The following LGALS3BP variants were observed in gnomAD, a reference collection of about 807,000 sequenced individuals.
LGALS3BP encodes the protein galectin 3 binding protein.
A neutral mutation model predicts 22.9 loss-of-function variants in LGALS3BP; 25 were observed. That is an observed-to-expected ratio of 1.09 (90% CI 0.80 to 1.53). The LOEUF (loss-of-function observed/expected upper bound fraction) is 1.53. LGALS3BP is among the 40% of genes most tolerant of loss of function. The probability of loss-of-function intolerance (pLI) is 0.00; values close to 1 mark genes in which losing one functional copy is unlikely to be tolerated. For synonymous variants in LGALS3BP, 335 were observed against 331.1 expected, an observed-to-expected ratio of 1.01 and a Z score of -0.13; for missense variants, 718 against 752.0, an observed-to-expected ratio of 0.95 and a Z score of 0.53.
Position 78,973,262 on chromosome 17 carries a change from C to T in LGALS3BP, c.377-40G>A, listed in dbSNP as rs1052351230. Reference sequence around the variant, plus strand: ...GAGGGAAGTGGGCTGCGTTAGGAGCCGGGGCACTGCCACTCTCTGGGGTCA... The same window carrying T: ...GAGGGAAGTGGGCTGCGTTAGGAGCTGGGGCACTGCCACTCTCTGGGGTCA... On this transcript the variant is annotated intron_variant, in intron 4 of 5. Coordinates refer to ENST00000262776, the MANE Select transcript of LGALS3BP (RefSeq NM_005567.4). This position sits in a 1 kb window ranked among gnomAD's most constrained non-coding sequence, Gnocchi z 5.8. 2.4e-5 allele frequency: 35 copies of T among 1,460,880 alleles called. No individual in the cohort carries two copies. The highest frequency in any genetic ancestry group is 4.2e-5 in the African/African-American group (3 of 70,652). The allele number at this position is 1,460,880 out of a possible 1,614,324, so 90.5% of individuals were successfully genotyped here.
At position 78,974,805 on chromosome 17, in the gene LGALS3BP, T is replaced by C. The variant is rs765312926; in HGVS notation, c.259A>G (p.Met87Val). 5 of 1,613,720 alleles carry C rather than the reference T, an allele frequency of 3.1e-6. No individual in the cohort carries two copies. The South Asian group carries it at 4.4e-5, about 14-fold the overall frequency. Reference sequence around the variant, plus strand: ...CCCGTGCACTGGACCTCATCCAGCATGATGGGGCCTGATCCTGTGGACACA... The same window carrying C: ...CCCGTGCACTGGACCTCATCCAGCACGATGGGGCCTGATCCTGTGGACACA... ...AAFGQGSGPI[M>V]LDEVQCTGTE... The change falls in exon 4 of 6, where the codon ATG becomes GTG. Residue 87 changes from methionine (M) to valine (V), a missense_variant. Physicochemically the swap from Met to Val is conservative, Grantham distance 21. Coordinates refer to ENST00000262776, the MANE Select transcript of LGALS3BP (RefSeq NM_005567.4).
Position 78,973,902 on chromosome 17 carries a change from C to T in LGALS3BP, c.377-680G>A, listed in dbSNP as rs1413167525. Among the ~76,000 whole-genome samples, 2 of 152,268 alleles carry T rather than the reference C, an allele frequency of 1.3e-5. No individual in the cohort carries two copies. Among genetic ancestry groups the T allele is most frequent in the East Asian group, 3.8e-4 (2 of 5,202 alleles). On this transcript the variant is annotated intron_variant, in intron 4 of 5. Coordinates refer to ENST00000262776, the MANE Select transcript of LGALS3BP (RefSeq NM_005567.4). The surrounding 1 kb of genome is among the most constrained non-coding windows in gnomAD (Gnocchi z 5.8). The stretch of plus-strand genomic sequence containing the variant: ...GCCACCGCAGGACCCCCAGCTCCCT[C>T]CCACCTGCACGCCTTACCACAGCTC...
Position 78,972,006 on chromosome 17 carries a change from G to A in LGALS3BP, c.1328C>T (p.Ser443Phe), listed in dbSNP as rs139574608. The A allele has an allele frequency of 1.2e-6, 2 of 1,614,106 alleles. No individual in the cohort carries two copies. The highest frequency in any genetic ancestry group is 1.7e-5 in the Admixed American group (1 of 60,024). ...AGAGGGGGCTTGGAAGTAATCAGAAGAATATTTGACCAAAGGCCCCCGTCT... is the reference window on the plus strand; with the variant it reads ...AGAGGGGGCTTGGAAGTAATCAGAAAAATATTTGACCAAAGGCCCCCGTCT... ...QSRRGPLVKY[S>F]SDYFQAPSDY... is the part of the protein sequence containing the mutation. Residue 443 changes from serine to phenylalanine, a missense_variant, in exon 6 of 6, where the codon TCT becomes TTT. Transcript: ENST00000262776. The surrounding 1 kb of genome is among the most constrained non-coding windows in gnomAD (Gnocchi z 5.1).
At chr17:78,979,297 G>T (rs73999352) in intron 1 of LGALS3BP, 3,704 of 152,490 alleles carry the variant, frequency 0.024, 82 homozygotes, top group African/African-American at 0.064. Context: ...TTGCCCTTTG[G>T]CTGGTATCCT....
Position 78,971,520 on chromosome 17 carries a change from C to G in LGALS3BP, c.*56G>C. The G allele has an allele frequency of 6.5e-6, 10 of 1,528,590 alleles. No homozygotes were observed. The highest frequency in any genetic ancestry group is 8.9e-6 in the Non-Finnish European group (10 of 1,124,430). 94.7% of individuals were successfully genotyped at this position (1,528,590 alleles called of 1,614,324 possible). On this transcript the variant is annotated 3_prime_UTR_variant, in exon 6 of 6. Transcript: ENST00000262776. The surrounding 1 kb of genome is among the most constrained non-coding windows in gnomAD (Gnocchi z 5.6). ...GAGGAAGGAAGCCGAGGAGGGGAGC[C>G]TGCAGTGAGGGCGTCCTGGGGTTCT...
At position 78,972,802 on chromosome 17, in the gene LGALS3BP, G is replaced by T; in HGVS notation, c.630-98C>A. ...ACAGCCACCTGAGTGCACACAGTGT[G>T]GGAGTGAGCATGCGTGTGTGTGCAA... On this transcript the variant is annotated intron_variant, in intron 5 of 5. Transcript: ENST00000262776. This position sits in a 1 kb window ranked among gnomAD's most constrained non-coding sequence, Gnocchi z 5.1. 1.6e-5 allele frequency: 24 copies of T among 1,460,112 alleles called. No homozygotes were observed. Among genetic ancestry groups the T allele is most frequent in the Non-Finnish European group, 2.2e-5 (24 of 1,089,936 alleles). 90.4% of individuals were successfully genotyped at this position (1,460,112 alleles called of 1,614,324 possible). A position where few individuals can be genotyped will look rare whatever the true frequency, so the allele number is the denominator to read the frequency against.
chr17:78,972,639 G>C lies in LGALS3BP; in HGVS notation c.695C>G (p.Ser232Cys). Reference sequence around the variant, plus strand: ...CTGCAGCTGCCTGGCCCCATAGGCAGAGGCCAGCTTGTGGAAGCACTTGAC... The same window carrying C: ...CTGCAGCTGCCTGGCCCCATAGGCACAGGCCAGCTTGTGGAAGCACTTGAC... ...SSVKCFHKLA[S>C]AYGARQLQGY... Residue 232 changes from serine (S) to cysteine (C), a missense_variant, in exon 6 of 6, where the codon TCT becomes TGT. Coordinates refer to ENST00000262776, the MANE Select transcript of LGALS3BP (RefSeq NM_005567.4). The surrounding 1 kb of genome is among the most constrained non-coding windows in gnomAD (Gnocchi z 5.1). 6.5e-7 allele frequency: 1 copy of C among 1,540,186 alleles called. No homozygotes were observed. The highest frequency in any genetic ancestry group is 2.3e-5 in the East Asian group (1 of 44,134).
At chr17:78,977,362 A>T in intron 1 of LGALS3BP, 148 bp from the exon 2 acceptor site, 2 of 641,178 alleles carry the variant, frequency 3.1e-6, no homozygotes, top group Non-Finnish European at 5.4e-6. Flanking sequence ...GATCCCAGTA[A>T]GTGTGACGTG....
At position 78,973,263 on chromosome 17, in the gene LGALS3BP, G is replaced by A. The variant is rs896439360; in HGVS notation, c.377-41C>T. On this transcript the variant is annotated intron_variant, in intron 4 of 5. Transcript: ENST00000262776. This position sits in a 1 kb window ranked among gnomAD's most constrained non-coding sequence, Gnocchi z 5.8. ...AGGGAAGTGGGCTGCGTTAGGAGCC[G>A]GGGCACTGCCACTCTCTGGGGTCAG... is the stretch of plus-strand genomic sequence containing the variant. 4.0e-5 allele frequency: 59 copies of A among 1,461,558 alleles called. No individual in the cohort carries two copies. The Middle Eastern group carries it at 9.4e-4, about 23-fold the overall frequency. 90.5% of individuals were successfully genotyped at this position (1,461,558 alleles called of 1,614,324 possible).
Position 78,972,245 on chromosome 17 carries a change from C to G in LGALS3BP, c.1089G>C (p.Leu363=), listed in dbSNP as rs1398590243. Residue 363 remains leucine, a synonymous_variant, in exon 6 of 6, where the codon CTG becomes CTC. Transcript: ENST00000262776. The surrounding 1 kb of genome is among the most constrained non-coding windows in gnomAD (Gnocchi z 5.1). ...PEELFELQFN[L]SLYWSHEALF... Reference sequence around the variant, plus strand: ...GGGCCTCGTGGCTCCAGTACAGGGACAGGTTGAACTGCAGCTCAAAGAGCT... The same window carrying G: ...GGGCCTCGTGGCTCCAGTACAGGGAGAGGTTGAACTGCAGCTCAAAGAGCT... 2 of 1,613,790 alleles carry G rather than the reference C, an allele frequency of 1.2e-6. No homozygotes were observed. Among genetic ancestry groups the G allele is most frequent in the Middle Eastern group, 3.3e-4 (2 of 6,062 alleles).
Position 78,972,340 on chromosome 17 carries a change from C to T in LGALS3BP, c.994G>A (p.Glu332Lys). Residue 332 changes from glutamate (E) to lysine (K), a missense_variant, in exon 6 of 6, where the codon GAG becomes AAG. By Grantham distance (56) the Glu-to-Lys change is moderately conservative (BLOSUM62 1). Coordinates refer to ENST00000262776, the MANE Select transcript of LGALS3BP (RefSeq NM_005567.4). This position sits in a 1 kb window ranked among gnomAD's most constrained non-coding sequence, Gnocchi z 5.1. ...TCCACCTCCTCATGGGAGGCACGCTCCCCCCAGCTCCAGGTGTCCACGGCC... is the reference window on the plus strand; with the variant it reads ...TCCACCTCCTCATGGGAGGCACGCTTCCCCCAGCTCCAGGTGTCCACGGCC... ...LKAVDTWSWG[E>K]RASHEEVEGL... The T allele has an allele frequency of 2.5e-6, 4 of 1,613,214 alleles. No homozygotes were observed. Among genetic ancestry groups the T allele is most frequent in the African/African-American group, 1.3e-5 (1 of 75,040 alleles).
At position 78,974,669 on chromosome 17, in the gene LGALS3BP, G is replaced by C; in HGVS notation, c.376+19C>G. The C allele has an allele frequency of 6.2e-7, 1 of 1,609,882 alleles. No individual in the cohort carries two copies. Among genetic ancestry groups the C allele is most frequent in the Non-Finnish European group, 8.5e-7 (1 of 1,177,970 alleles). On this transcript the variant is annotated intron_variant, in intron 4 of 5. Coordinates refer to ENST00000262776, the MANE Select transcript of LGALS3BP (RefSeq NM_005567.4). ...CAGGGCACACTGGGGCCTCCGCAGG[G>C]AGGTGCGCCCCCGCTCACCATTGGT...
chr17:78,971,794 G>T lies in LGALS3BP; in HGVS notation c.1540C>A (p.Arg514Ser). 1 of 1,614,092 alleles carries T rather than the reference G, an allele frequency of 6.2e-7. No individual in the cohort carries two copies. The highest frequency in any genetic ancestry group is 8.5e-7 in the Non-Finnish European group (1 of 1,180,040). ...GCTTTGTTTTCGTAGGCAATGGTGCGATCTGAGCCGCCAGACTTGGTGAGG... is the reference window on the plus strand; with the variant it reads ...GCTTTGTTTTCGTAGGCAATGGTGCTATCTGAGCCGCCAGACTTGGTGAGG... ...LGLTKSGGSD[R>S]TIAYENKALM... Residue 514 changes from arginine to serine, a missense_variant, in exon 6 of 6, where the codon CGC (arginine) becomes AGC (serine). Arg to Ser is a moderately radical substitution (Grantham distance 110, BLOSUM62 -1). Transcript: ENST00000262776. This position sits in a 1 kb window ranked among gnomAD's most constrained non-coding sequence, Gnocchi z 5.6.
intron 4 of LGALS3BP, among the ~76,000 whole-genome samples, chr17:78,974,200 G>A (rs2070699170): frequency 1.3e-5 from 2 of 152,238 alleles, no homozygotes; most frequent in Non-Finnish European, 2.9e-5. Flanking sequence ...CGGCATGAAA[G>A]AAAAACAAGA....
intron 3 of LGALS3BP, among the ~76,000 whole-genome samples, chr17:78,975,638 A>G (rs1392757650): frequency 6.6e-6 from 1 of 151,924 alleles, no homozygotes; most frequent in Non-Finnish European, 1.5e-5. Context: ...TAAAAAATAC[A>G]AAAATCAGCC....
In LGALS3BP at chr17:78,976,936, A is replaced by C; in HGVS notation, c.52+204T>G. 1 of 612,514 alleles carries C rather than the reference A, an allele frequency of 1.6e-6. No homozygotes were observed. 37.9% of individuals were successfully genotyped at this position (612,514 alleles called of 1,614,324 possible). On this transcript the variant is annotated intron_variant, in intron 2 of 5. Coordinates refer to ENST00000262776, the MANE Select transcript of LGALS3BP (RefSeq NM_005567.4). This position sits in a 1 kb window ranked among gnomAD's most constrained non-coding sequence, Gnocchi z 4.6. ...CCCTAGTGTCCTCTCTATAACCTGC[A>C]TCTCACCTGAACCCAGGTGAGCCCC...
chr17:78,975,292 G>A (rs147775946), intron 3 of LGALS3BP, among the ~76,000 whole-genome samples: 15 of 152,116 alleles, frequency 9.9e-5, no homozygotes, highest in African/African-American at 3.4e-4. Flanking sequence ...TTCCAGAATC[G>A]CAACTGCTGT....
Position 78,976,682 on chromosome 17 carries a change from G to C in LGALS3BP, c.52+458C>G, listed in dbSNP as rs902907152. On this transcript the variant is annotated intron_variant, in intron 2 of 5. Transcript: ENST00000262776. This position sits in a 1 kb window ranked among gnomAD's most constrained non-coding sequence, Gnocchi z 4.6. ...TCCAGCCCCTACAGGAGCTGACAGAGCCGGGCAGGAGCTGGGTGCCTGAAT... is the reference window on the plus strand; with the variant it reads ...TCCAGCCCCTACAGGAGCTGACAGACCCGGGCAGGAGCTGGGTGCCTGAAT... The C allele has an allele frequency of 1.5e-5, 3 of 197,366 alleles. No individual in the cohort carries two copies. The highest frequency in any genetic ancestry group is 4.7e-5 in the African/African-American group (2 of 42,206). The allele number at this position is 197,366 out of a possible 1,614,324, so 12.2% of individuals were successfully genotyped here.
rs762055912 is a variant in LGALS3BP, at chr17:78,974,825, GAC to G, written c.245-8_245-7del. ...CAGCATGATGGGGCCTGATCCTGTG[GAC>G]ACAGCAGATGGCAGGGCTGGGGGCG... On this transcript the variant is annotated splice_polypyrimidine_tract_variant and splice_region_variant and intron_variant, in intron 3 of 5. Transcript: ENST00000262776. The G allele has an allele frequency of 1.5e-5, 25 of 1,613,126 alleles. 1 individual carries two copies. In the South Asian group the frequency reaches 2.7e-4, roughly 18 times the overall value.
Sources: gnomAD v4.1 joint callset for allele counts (sites outside exome capture counted in the v4.1 genomes callset) on GRCh38, gnomAD v4.1.1 for gene constraint, Gnocchi (gnomAD v3.1) non-coding constraint, MANE v1.5 for transcripts, NCBI Gene and HGNC (gene_info 2026-07-23, HGNC 2026-07-21) for gene names.